The following PGPEP1L variants were observed in gnomAD, a reference collection of about 807,000 sequenced individuals.
PGPEP1L encodes the protein pyroglutamyl-peptidase 1-like protein.
In PGPEP1L, 7 loss-of-function variants were observed where a neutral mutation model predicts 6.0. The observed-to-expected ratio is 1.17, with a 90% CI of 0.66 to 2.19. The LOEUF is 2.19. PGPEP1L is among the 30% of genes most tolerant of loss of function. The probability of loss-of-function intolerance (pLI) is 0.00; values close to 1 mark genes in which losing one functional copy is unlikely to be tolerated. For missense variants in PGPEP1L, 209 were observed against 192.5 expected (o/e 1.09, Z -0.51); for synonymous variants, 103 against 83.9 (o/e 1.23, Z -1.24).
Position 98,969,553 on chromosome 15 carries a change from G to C in PGPEP1L, c.81C>G (p.Phe27Leu), listed in dbSNP as rs766570886. The change falls in exon 4 of 5, where the codon TTC (phenylalanine) becomes TTG (leucine). Residue 27 changes from phenylalanine (F) to leucine (L), a missense_variant. Transcript: ENST00000535714. Reference protein sequence around the residue: ...QGYRDADIRSFWPEGGVCLPG... With the variant: ...QGYRDADIRSLWPEGGVCLPG... ...GTAGGCACACGCCGCCCTCGGGCCA[G>C]AAGCTGCGGATGTCGGCGTCCCGGT... 1 of 1,614,024 alleles carries C rather than the reference G, an allele frequency of 6.2e-7. No individual in the cohort carries two copies. Among genetic ancestry groups the C allele is most frequent in the Admixed American group, 1.7e-5 (1 of 60,038 alleles).
chr15:98,983,563 A>C (rs768878040), intron 2 of PGPEP1L, among the ~76,000 whole-genome samples: 1 of 152,142 alleles, frequency 6.6e-6, no homozygotes, highest in Non-Finnish European at 1.5e-5. Context: ...CTAAGCATGT[A>C]ATTTCTTTTG....
intron 2 of PGPEP1L, among the ~76,000 whole-genome samples, chr15:98,988,979 T>C (rs1332922082): frequency 6.6e-6 from 1 of 152,064 alleles, no homozygotes; most frequent in Non-Finnish European, 1.5e-5. Flanking sequence ...CATTTGAAGG[T>C]CACCAACATC....
At chr15:98,990,641 C>G (rs1355057996) in intron 2 of PGPEP1L, among the ~76,000 whole-genome samples, 2 of 152,156 alleles carry the variant, frequency 1.3e-5, no homozygotes, top group African/African-American at 4.8e-5. Context: ...ACTCTCCACC[C>G]CAAATAAACA....
intron 3 of PGPEP1L, among the ~76,000 whole-genome samples, chr15:98,970,109 C>T (rs2151753402): frequency 6.6e-6 from 1 of 152,274 alleles, no homozygotes; most frequent in East Asian, 1.9e-4. Context: ...AGTGCAATGG[C>T]ACCATCTCAG....
At chr15:99,006,094 A>G (rs1185798699) in intron 1 of PGPEP1L, among the ~76,000 whole-genome samples, 2 of 152,212 alleles carry the variant, frequency 1.3e-5, no homozygotes, top group East Asian at 1.9e-4. Flanking sequence ...CCTTTAAAAT[A>G]TTGATTGCAA....
intron 2 of PGPEP1L, among the ~76,000 whole-genome samples, chr15:98,998,953 C>T (rs1224613297): frequency 3.3e-5 from 5 of 151,874 alleles, no homozygotes; most frequent in African/African-American, 7.3e-5. Flanking sequence ...CCAGCCTGGG[C>T]GAAAGAGCAA....
intron 2 of PGPEP1L, among the ~76,000 whole-genome samples, chr15:98,999,501 G>C (rs1040400054): frequency 6.6e-6 from 1 of 152,318 alleles, no homozygotes. Flanking sequence ...AAATGGTACT[G>C]TTGCTCCGGG....
At chr15:98,978,726 A>ATTTTTT (rs57804945) in intron 2 of PGPEP1L, among the ~76,000 whole-genome samples, 2 of 85,254 alleles carry the variant, frequency 2.3e-5, no homozygotes, top group African/African-American at 1.0e-4. Context: ...ATATATATAT[A>ATTTTTT]TTTTTTTTTT....
At chr15:98,999,780 G>A (rs1162897591) in intron 2 of PGPEP1L, among the ~76,000 whole-genome samples, 3 of 152,246 alleles carry the variant, frequency 2.0e-5, no homozygotes, top group African/African-American at 4.8e-5. Context: ...TCCATCAACT[G>A]ATGAATGGCA....
intron 2 of PGPEP1L, among the ~76,000 whole-genome samples, chr15:98,980,007 A>G (rs1157988274): frequency 6.6e-6 from 1 of 152,160 alleles, no homozygotes; most frequent in Non-Finnish European, 1.5e-5. Flanking sequence ...CATAAGAATG[A>G]TACAATGGAC....
chr15:98,996,187 T>G (rs1201977422), intron 2 of PGPEP1L, among the ~76,000 whole-genome samples: 3 of 152,256 alleles, frequency 2.0e-5, no homozygotes, highest in African/African-American at 7.2e-5. Flanking sequence ...TGCTGATTCC[T>G]ACTCATGGTA....
intron 1 of PGPEP1L, among the ~76,000 whole-genome samples, 198 bp downstream of exon 1, chr15:99,007,161 G>A (rs1449906521): frequency 6.6e-6 from 1 of 152,224 alleles, no homozygotes; most frequent in East Asian, 1.9e-4. Context: ...CAGGTGGGAA[G>A]CGCCATTTGC....
intron 2 of PGPEP1L, among the ~76,000 whole-genome samples, chr15:98,985,698 C>T (rs1306229895): frequency 6.6e-6 from 1 of 152,244 alleles, no homozygotes; most frequent in Non-Finnish European, 1.5e-5. Flanking sequence ...TCAGGCACCA[C>T]CACTTTGTGG....
At chr15:99,005,125 G>A (rs1472550941) in intron 2 of PGPEP1L, among the ~76,000 whole-genome samples, 3 of 152,158 alleles carry the variant, frequency 2.0e-5, no homozygotes, top group African/African-American at 7.2e-5. Context: ...ACCAGCCTCA[G>A]CTTCCTCCCT....
At chr15:98,984,021 T>A (rs1242121982) in intron 2 of PGPEP1L, among the ~76,000 whole-genome samples, 1 of 141,506 alleles carries the variant, frequency 7.1e-6, no homozygotes, top group Non-Finnish European at 1.5e-5. Context: ...TTTTTTTTTT[T>A]TTTTTTTTTT....
intron 2 of PGPEP1L, among the ~76,000 whole-genome samples, chr15:98,983,031 C>T (rs1244704956): frequency 6.6e-6 from 1 of 151,574 alleles, no homozygotes; most frequent in Non-Finnish European, 1.5e-5. Context: ...TCATTTTAGT[C>T]AAGAAAACAA....
intron 2 of PGPEP1L, among the ~76,000 whole-genome samples, chr15:98,982,524 G>A (rs1184969970): frequency 6.6e-6 from 1 of 152,108 alleles, no homozygotes; most frequent in Non-Finnish European, 1.5e-5. Flanking sequence ...AAGACGTCAT[G>A]GGAAAGTGCA....
intron 2 of PGPEP1L, among the ~76,000 whole-genome samples, chr15:98,995,514 A>G (rs2017875769): frequency 6.6e-6 from 1 of 152,186 alleles, no homozygotes; most frequent in Non-Finnish European, 1.5e-5. Context: ...CCTGGCCAAC[A>G]TAGTGAAACC....
At chr15:99,002,355 C>T (rs782780935) in intron 2 of PGPEP1L, among the ~76,000 whole-genome samples, 42 of 151,930 alleles carry the variant, frequency 2.8e-4, no homozygotes, top group Non-Finnish European at 4.7e-4. Flanking sequence ...TAATGGTTGC[C>T]AGGTGTTTGA....
Sources: gnomAD v4.1 joint callset for allele counts (sites outside exome capture counted in the v4.1 genomes callset) on GRCh38, gnomAD v4.1.1 for gene constraint, MANE v1.5 for transcripts, NCBI Gene and HGNC (gene_info 2026-07-23, HGNC 2026-07-21) for gene names.